The following CYB5R4 variants were observed in gnomAD, a reference collection of about 807,000 sequenced individuals.
The protein encoded by CYB5R4 is N-terminal cytochrome b5 and cytochrome b5 oxidoreductase domain-containing protein.
In CYB5R4, 55 loss-of-function variants were observed where a neutral mutation model predicts 70.2. The ratio of observed to expected loss-of-function variants is 0.78; its 90% CI spans 0.63 to 0.98. The LOEUF is 0.98. Among genes scored for constraint, CYB5R4 ranks in the 50% least tolerant of loss-of-function variants. The pLI is 0.00. For synonymous variants in CYB5R4, 197 were observed against 199.5 expected (o/e 0.99, Z 0.11); for missense variants, 562 against 612.6 (o/e 0.92, Z 0.87).
At chr6:83,916,665 G>T (rs2099465560) in intron 5 of CYB5R4, among the ~76,000 whole-genome samples, 1 of 152,034 alleles carries the variant, frequency 6.6e-6, no homozygotes, top group African/African-American at 2.4e-5. Flanking sequence ...GAGTTATGTG[G>T]GAAGAAATGG....
At chr6:83,916,813 A>G (rs1369590952) in intron 5 of CYB5R4, among the ~76,000 whole-genome samples, 2 of 152,160 alleles carry the variant, frequency 1.3e-5, no homozygotes, top group Non-Finnish European at 2.9e-5. Context: ...GAAAACCTCT[A>G]AACTGTCTTG....
chr6:83,882,261 C>T (rs947267842), intron 2 of CYB5R4, among the ~76,000 whole-genome samples: 8 of 152,134 alleles, frequency 5.3e-5, no homozygotes, highest in Non-Finnish European at 1.0e-4. Flanking sequence ...CAAAGTCTTA[C>T]TGGCTTGAAT....
intron 3 of CYB5R4, among the ~76,000 whole-genome samples, chr6:83,902,129 C>T (rs141112290): frequency 2.1e-3 from 319 of 152,166 alleles, no homozygotes; most frequent in African/African-American, 7.1e-3. Context: ...CCAGTGTTTT[C>T]TTCTAGTGAT....
chr6:83,907,787 G>C (rs2099464041), intron 3 of CYB5R4, among the ~76,000 whole-genome samples: 1 of 152,140 alleles, frequency 6.6e-6, no homozygotes, highest in African/African-American at 2.4e-5. Flanking sequence ...CTCCATCCAT[G>C]TTCCTGCAAA....
intron 14 of CYB5R4, among the ~76,000 whole-genome samples, chr6:83,951,422 C>G (rs1162612933): frequency 6.6e-6 from 1 of 152,092 alleles, no homozygotes; most frequent in African/African-American, 2.4e-5. Flanking sequence ...TCTCCTAATT[C>G]ATCCCTCCCC....
chr6:83,944,943 C>A (rs2099470334), intron 14 of CYB5R4, among the ~76,000 whole-genome samples: 1 of 152,124 alleles, frequency 6.6e-6, no homozygotes, highest in Non-Finnish European at 1.5e-5. Flanking sequence ...TTCTTAGAGA[C>A]CTACGAAGAG....
chr6:83,869,566 C>T (rs1005468739), intron 2 of CYB5R4, among the ~76,000 whole-genome samples: 12 of 152,174 alleles, frequency 7.9e-5, no homozygotes, highest in African/African-American at 2.9e-4. Flanking sequence ...CAGTGGCTCA[C>T]GCCTGTGATC....
Position 83,965,292 on chromosome 6 carries a change from A to G in CYB5R4, c.*5414A>G, listed in dbSNP as rs555779854. On this transcript the variant is annotated 3_prime_UTR_variant, in exon 16 of 16. Transcript: ENST00000369681. Reference sequence around the variant, plus strand: ...AGCCAGGATGGAGGCTGTACCCTGAAAGCCACAGGGCCAGAGCTGCCCAAG... The same window carrying G: ...AGCCAGGATGGAGGCTGTACCCTGAGAGCCACAGGGCCAGAGCTGCCCAAG... 6.6e-6 allele frequency: 1 copy of G among 152,376 alleles called. No homozygotes were observed. Among genetic ancestry groups the G allele is most frequent in the South Asian group, 2.1e-4 (1 of 4,830 alleles). The allele number at this position is 152,376 out of a possible 1,614,324, so 9.4% of individuals were successfully genotyped here.
chr6:83,916,968 A>T (rs1472218758), intron 5 of CYB5R4, among the ~76,000 whole-genome samples: 1 of 152,152 alleles, frequency 6.6e-6, no homozygotes, highest in East Asian at 1.9e-4. Context: ...AATGATTTTC[A>T]AAAGTCATGT....
intron 7 of CYB5R4, among the ~76,000 whole-genome samples, chr6:83,919,807 A>G (rs770112530): frequency 6.7e-6 from 1 of 148,628 alleles, no homozygotes; most frequent in Non-Finnish European, 1.5e-5. Flanking sequence ...TGTGTAAAGC[A>G]TGGATAACAA....
intron 2 of CYB5R4, among the ~76,000 whole-genome samples, chr6:83,889,652 T>C (rs988536257): frequency 6.6e-6 from 1 of 152,212 alleles, no homozygotes; most frequent in African/African-American, 2.4e-5. Context: ...TCTATTAAGC[T>C]GTTCTTGCAT....
Position 83,866,125 on chromosome 6 carries a change from A to T in CYB5R4, c.229+1797A>T, listed in dbSNP as rs1338969746. Among the ~76,000 whole-genome samples the T allele has an allele frequency of 1.3e-5, 2 of 152,178 alleles. 1 individual carries two copies. Among genetic ancestry groups the T allele is most frequent in the African/African-American group, 4.8e-5 (2 of 41,448 alleles). ...CTTTCAGCTGGCCCAGGCTGCAGGCATGCCTGAGTTCTGTTTCTGCACTAG... is the reference window on the plus strand; with the variant it reads ...CTTTCAGCTGGCCCAGGCTGCAGGCTTGCCTGAGTTCTGTTTCTGCACTAG... On this transcript the variant is annotated intron_variant, in intron 2 of 15. Coordinates refer to ENST00000369681, the MANE Select transcript of CYB5R4 (RefSeq NM_016230.4).
At chr6:83,888,502 A>T (rs993676445) in intron 2 of CYB5R4, among the ~76,000 whole-genome samples, 5 of 151,976 alleles carry the variant, frequency 3.3e-5, no homozygotes, top group Admixed American at 3.3e-4. Context: ...ATGATCTGTG[A>T]TCTTGATGTT....
chr6:83,884,567 G>A (rs949182543), intron 2 of CYB5R4, among the ~76,000 whole-genome samples: 2 of 152,076 alleles, frequency 1.3e-5, no homozygotes, highest in South Asian at 2.1e-4. Flanking sequence ...CTTAACTACA[G>A]TTGCATATTT....
At chr6:83,901,819 A>G (rs1238403064) in intron 3 of CYB5R4, among the ~76,000 whole-genome samples, 1 of 151,892 alleles carries the variant, frequency 6.6e-6, no homozygotes, top group Non-Finnish European at 1.5e-5. Context: ...GTACTCATCA[A>G]CTATTTGTCA....
chr6:83,932,452 A>G (rs1436300254), intron 10 of CYB5R4, among the ~76,000 whole-genome samples: 1 of 152,198 alleles, frequency 6.6e-6, no homozygotes, highest in Non-Finnish European at 1.5e-5. Flanking sequence ...ATTTTCATAC[A>G]GCTGTAAAGT....
intron 9 of CYB5R4, among the ~76,000 whole-genome samples, chr6:83,923,068 C>CT (rs2099466666): frequency 6.7e-6 from 1 of 150,348 alleles, no homozygotes; most frequent in African/African-American, 2.4e-5. Context: ...AATCTGTCTC[C>CT]TTTTTATTCT....
chr6:83,932,699 A>G (rs768874502), intron 10 of CYB5R4, among the ~76,000 whole-genome samples: 6 of 152,224 alleles, frequency 3.9e-5, no homozygotes, highest in Middle Eastern at 3.4e-3. Context: ...CCCTGCCCAA[A>G]TGACCCCAAA....
At chr6:83,937,563 A>G (rs538469688) in intron 12 of CYB5R4, among the ~76,000 whole-genome samples, 4 of 152,282 alleles carry the variant, frequency 2.6e-5, no homozygotes, top group South Asian at 2.1e-4. Flanking sequence ...TCTGCTGCCC[A>G]GGCTGGAGTG....
Sources: gnomAD v4.1 joint callset for allele counts (sites outside exome capture counted in the v4.1 genomes callset) on GRCh38, gnomAD v4.1.1 for gene constraint, MANE v1.5 for transcripts, NCBI Gene and HGNC (gene_info 2026-07-23, HGNC 2026-07-21) for gene names.